The following TTLL7 variants were observed in gnomAD, a reference collection of about 807,000 sequenced individuals.
The protein encoded by TTLL7 is tubulin polyglutamylase TTLL7.
A neutral mutation model predicts 120.2 loss-of-function variants in TTLL7; 53 were observed. The ratio of observed to expected loss-of-function variants is 0.44; its 90% CI spans 0.35 to 0.55. The LOEUF is 0.55. TTLL7 is among the 20% of genes least tolerant of loss of function. TTLL7 has a pLI of 0.00. For synonymous variants in TTLL7, 353 were observed against 351.7 expected, an observed-to-expected ratio of 1.00 and a Z score of -0.04; for missense variants, 803 against 1,054.7, an observed-to-expected ratio of 0.76 and a Z score of 3.31.
At chr1:83,987,348 T>C (rs900504539) in intron 1 of TTLL7, among the ~76,000 whole-genome samples, 5 of 151,956 alleles carry the variant, frequency 3.3e-5, no homozygotes, top group Non-Finnish European at 7.4e-5. Flanking sequence ...TGTCCATGGA[T>C]TGAAAGAAGC....
chr1:83,972,027 C>A (rs1651039618), intron 1 of TTLL7, among the ~76,000 whole-genome samples: 1 of 151,916 alleles, frequency 6.6e-6, no homozygotes, highest in Admixed American at 6.6e-5. Flanking sequence ...CCCCTCCCTG[C>A]CACATACACA....
chr1:83,972,337 T>G (rs1651066499), intron 1 of TTLL7, among the ~76,000 whole-genome samples: 1 of 152,108 alleles, frequency 6.6e-6, no homozygotes, highest in South Asian at 2.1e-4. Context: ...TTTTCTAGAA[T>G]GTCATATGGT....
intron 18 of TTLL7, among the ~76,000 whole-genome samples, chr1:83,890,856 T>G (rs1655404103): frequency 6.6e-6 from 1 of 152,154 alleles, no homozygotes; most frequent in Non-Finnish European, 1.5e-5. Context: ...GGCAATAACT[T>G]AGACCAGTGG....
intron 19 of TTLL7, among the ~76,000 whole-genome samples, chr1:83,888,663 A>C (rs529003896): frequency 8.5e-4 from 129 of 152,108 alleles, no homozygotes; most frequent in Admixed American, 3.1e-3. Flanking sequence ...TGACATCAAC[A>C]GTTCAGAGGA....
rs2100681524 is a variant in TTLL7 at position 83,865,122 on chromosome 1, ACGCTAATTGCACACTGTAT to A, written c.*4821_*4839del. ...TCACATGCTGGAGCATGACAATGCA[ACGCTAATTGCACACTGTAT>A]TGACATTTCAAGCATATTTTCTGTA... is the stretch of plus-strand genomic sequence containing the variant. On this transcript the variant is annotated 3_prime_UTR_variant, in exon 21 of 21. Coordinates refer to ENST00000260505, the MANE Select transcript of TTLL7 (RefSeq NM_024686.6). 1.3e-5 allele frequency: 2 copies of A among 152,078 alleles called. No individual in the cohort carries two copies. The highest frequency in any genetic ancestry group is 2.9e-5 in the Non-Finnish European group (2 of 67,946). The allele number at this position is 152,078 out of a possible 1,614,324, so 9.4% of individuals were successfully genotyped here. A position where few individuals can be genotyped will look rare whatever the true frequency, so the allele number is the denominator to read the frequency against.
chr1:83,893,069 G>A (rs930940605), intron 18 of TTLL7, among the ~76,000 whole-genome samples: 1 of 151,692 alleles, frequency 6.6e-6, no homozygotes, highest in Non-Finnish European at 1.5e-5. Flanking sequence ...TGGGAAATGG[G>A]GAGCCAGGGG....
rs912701573 is a variant in TTLL7 at position 83,868,549 on chromosome 1, A to G, written c.*1413T>C. 1 of 152,216 alleles carries G rather than the reference A, an allele frequency of 6.6e-6. No homozygotes were observed. Among genetic ancestry groups the G allele is most frequent in the African/African-American group, 2.4e-5 (1 of 41,460 alleles). The allele number at this position is 152,216 out of a possible 1,614,324, so 9.4% of individuals were successfully genotyped here. A position where few individuals can be genotyped will look rare whatever the true frequency, so the allele number is the denominator to read the frequency against. On this transcript the variant is annotated 3_prime_UTR_variant, in exon 21 of 21. Transcript: ENST00000260505. ...GTACACTGATGACTTGTAATATGTG[A>G]TAATTGAAATCTTCTATTCACAATC...
intron 1 of TTLL7, among the ~76,000 whole-genome samples, chr1:83,958,331 G>T (rs1649708565): frequency 6.6e-6 from 1 of 152,060 alleles, no homozygotes; most frequent in African/African-American, 2.4e-5. Flanking sequence ...TCCCTAAATT[G>T]TAATTATCGG....
chr1:83,929,459 T>C (rs557167638), intron 9 of TTLL7, among the ~76,000 whole-genome samples: 87 of 152,174 alleles, frequency 5.7e-4, no homozygotes, highest in African/African-American at 2.1e-3. Flanking sequence ...GCTGCCTTAG[T>C]TTAGGAGCTT....
At chr1:83,900,628 T>G (rs2100750765) in intron 18 of TTLL7, among the ~76,000 whole-genome samples, 1 of 152,106 alleles carries the variant, frequency 6.6e-6, no homozygotes, top group Admixed American at 6.6e-5. Flanking sequence ...ACAGCACCAT[T>G]ACTTCACAAG....
chr1:83,922,053 T>C (rs1557648420), intron 10 of TTLL7, among the ~76,000 whole-genome samples: 1 of 152,144 alleles, frequency 6.6e-6, no homozygotes, highest in Non-Finnish European at 1.5e-5. Context: ...CCCTGCCACG[T>C]AGCTGGTGAA....
At chr1:83,899,955 T>C (rs896815825) in intron 18 of TTLL7, among the ~76,000 whole-genome samples, 1 of 152,000 alleles carries the variant, frequency 6.6e-6, no homozygotes, top group Admixed American at 6.6e-5. Context: ...GTAGATATAC[T>C]GGTATATGTA....
In TTLL7 at chr1:83,869,911, A is replaced by T. The variant is rs745851087; in HGVS notation, c.*51T>A. The T allele has an allele frequency of 6.4e-7, 1 of 1,574,488 alleles. No homozygotes were observed. The highest frequency in any genetic ancestry group is 1.2e-5 in the South Asian group (1 of 82,802). On this transcript the variant is annotated 3_prime_UTR_variant, in exon 21 of 21. Coordinates refer to ENST00000260505, the MANE Select transcript of TTLL7 (RefSeq NM_024686.6). ...TTCTTTGCATGTTCAACTTCAGAGGAAAAAAATGAATTGCTGTTATGTATA... is the reference window on the plus strand; with the variant it reads ...TTCTTTGCATGTTCAACTTCAGAGGTAAAAAATGAATTGCTGTTATGTATA...
At chr1:83,944,104 T>C (rs1450725786) in intron 6 of TTLL7, among the ~76,000 whole-genome samples, 1 of 151,866 alleles carries the variant, frequency 6.6e-6, no homozygotes, top group Non-Finnish European at 1.5e-5. Context: ...CATTATCTAG[T>C]CTGAGGAACA....
chr1:83,989,901 T>C (rs896658143), intron 1 of TTLL7, among the ~76,000 whole-genome samples: 6 of 152,142 alleles, frequency 3.9e-5, no homozygotes, highest in African/African-American at 1.4e-4. Flanking sequence ...AGATGTATTC[T>C]TAGGCTTTGG....
At chr1:83,944,727 A>T (rs185516319) in intron 6 of TTLL7, among the ~76,000 whole-genome samples, 24 of 152,208 alleles carry the variant, frequency 1.6e-4, no homozygotes, top group African/African-American at 5.1e-4. Context: ...AAAAACAAAA[A>T]AGTCTCTCTT....
chr1:83,896,596 G>A (rs990735459), intron 18 of TTLL7, among the ~76,000 whole-genome samples: 5 of 152,060 alleles, frequency 3.3e-5, no homozygotes, highest in Admixed American at 2.6e-4. Flanking sequence ...GAACAGCTCT[G>A]AACAGCATCT....
chr1:83,892,619 TATATGAAC>T (rs1166579191), intron 18 of TTLL7, among the ~76,000 whole-genome samples: 1 of 148,274 alleles, frequency 6.7e-6, no homozygotes, highest in Non-Finnish European at 1.5e-5. Flanking sequence ...TATGAACATA[TATATGAAC>T]ATATGAATGA....
At chr1:83,952,470 A>G in intron 1 of TTLL7, 83 bp from the exon 2 acceptor site, 3 of 360,118 alleles carry the variant, frequency 8.3e-6, no homozygotes, top group Non-Finnish European at 1.5e-5. Context: ...TCTTTTTAAA[A>G]GTCAAGGTGA....
Sources: gnomAD v4.1 joint callset for allele counts (sites outside exome capture counted in the v4.1 genomes callset) on GRCh38, gnomAD v4.1.1 for gene constraint, MANE v1.5 for transcripts, NCBI Gene and HGNC (gene_info 2026-07-23, HGNC 2026-07-21) for gene names.